Variants in PPP1R26 observed in about 807,000 individuals in gnomAD.
PPP1R26 encodes the protein protein phosphatase 1 regulatory subunit 26.
A neutral mutation model predicts 67.6 loss-of-function variants in PPP1R26; 22 were observed. That is an observed-to-expected ratio of 0.33 (90% CI 0.23 to 0.46). The LOEUF is 0.46. Ranked by LOEUF, PPP1R26 falls within the 20% of genes least tolerant of loss-of-function variation. The pLI, the probability that PPP1R26 is intolerant of heterozygous loss-of-function variation, is 1.00. For missense variants in PPP1R26, 1,602 were observed against 1,651.4 expected (o/e 0.97, Z 0.52); for synonymous variants, 729 against 717.2 (o/e 1.02, Z -0.26).
rs1195676530 is a variant in PPP1R26, at chr9:135,487,534, C to T, written c.3024C>T (p.Thr1008=). ...GCTGCGGGAGCCCGAGCTTCCTGACCCCCAGCCCGGGAGCGGAGAGGGACG... is the reference window on the plus strand; with the variant it reads ...GCTGCGGGAGCCCGAGCTTCCTGACTCCCAGCCCGGGAGCGGAGAGGGACG... ...HMGCGSPSFL[T]PSPGAERDAG... Residue 1008 remains threonine, a synonymous_variant, in exon 4 of 4, where the codon ACC becomes ACT. Transcript: ENST00000356818. The T allele has an allele frequency of 1.3e-6, 2 of 1,592,884 alleles. No individual in the cohort carries two copies. The highest frequency in any genetic ancestry group is 1.7e-6 in the Non-Finnish European group (2 of 1,170,936).
In PPP1R26 at chr9:135,487,696, G is replaced by C; in HGVS notation, c.3186G>C (p.Gly1062=). 1 of 1,451,756 alleles carries C rather than the reference G, an allele frequency of 6.9e-7. No homozygotes were observed. 89.9% of individuals were successfully genotyped at this position (1,451,756 alleles called of 1,614,324 possible). The part of the protein sequence containing the change: ...RGGVGSERDK[G]SEGPARGLPS... Reference sequence around the variant, plus strand: ...GCGTCGGGAGCGAGAGAGACAAGGGGTCCGAGGGCCCCGCCCGGGGCCTGC... The same window carrying C: ...GCGTCGGGAGCGAGAGAGACAAGGGCTCCGAGGGCCCCGCCCGGGGCCTGC... Residue 1062 remains glycine, a synonymous_variant, in exon 4 of 4, where the codon GGG becomes GGC. Transcript: ENST00000356818.
chr9:135,487,612 T>G lies in PPP1R26; in HGVS notation c.3102T>G (p.Ser1034Arg). ...TPPWSDFAHQ[S>R]RLPSPWVLRS... ...CCTGGAGCGACTTCGCCCACCAGAG[T>G]CGGCTGCCCAGCCCGTGGGTGCTGC... is the stretch of plus-strand genomic sequence containing the variant. Residue 1034 changes from serine (S) to arginine (R), a missense_variant, in exon 4 of 4, where the codon AGT becomes AGG. Physicochemically the swap from Ser to Arg is moderately radical, Grantham distance 110. Around this residue, in one of 5 missense-constraint regions of PPP1R26, gnomAD observed 740 missense variants for 696.3 expected, o/e 1.06. Transcript: ENST00000356818. The G allele has an allele frequency of 1.3e-6, 2 of 1,486,730 alleles. No homozygotes were observed. The highest frequency in any genetic ancestry group is 8.9e-7 in the Non-Finnish European group (1 of 1,117,420). The allele number at this position is 1,486,730 out of a possible 1,614,324, so 92.1% of individuals were successfully genotyped here. A position where few individuals can be genotyped will look rare whatever the true frequency, so the allele number is the denominator to read the frequency against.
rs1167860164 is a variant in PPP1R26 at position 135,480,012 on chromosome 9, G to C, written c.-339G>C. On this transcript the variant is annotated 5_prime_UTR_variant, in exon 1 of 4. Coordinates refer to ENST00000356818, the MANE Select transcript of PPP1R26 (RefSeq NM_014811.5). ...GGGGTCCGCGCGGCGGGCGGCGGGG[G>C]ACGGGCGGAGGTGAGCGGGTGCAGG... 5 of 146,232 alleles carry C rather than the reference G, an allele frequency of 3.4e-5. No individual in the cohort carries two copies. The highest frequency in any genetic ancestry group is 1.4e-4 in the Admixed American group (2 of 14,730). The allele number at this position is 146,232 out of a possible 1,614,324, so 9.1% of individuals were successfully genotyped here.
At chr9:135,482,018 T>C (rs1412512) in intron 1 of PPP1R26, among the ~76,000 whole-genome samples, 41,710 of 152,164 alleles carry the variant, frequency 0.27, 6,714 homozygotes, top group East Asian at 0.66. Flanking sequence ...AAGCTGTAAA[T>C]GTGGCTAGTG....
upstream of PPP1R26, chr9:135,479,549 C>CGGGCG (rs1015530386): frequency 2.1e-4 from 31 of 146,552 alleles, no homozygotes; most frequent in South Asian, 8.1e-4. The surrounding 1 kb of genome is among the most constrained non-coding windows in gnomAD (Gnocchi z 5.9). Flanking sequence ...GCGTCCGAAC[C>CGGGCG]GGGCGGGGCG....
At position 135,484,994 on chromosome 9, in the gene PPP1R26, C is replaced by T; in HGVS notation, c.484C>T (p.Pro162Ser). 6.3e-7 allele frequency: 1 copy of T among 1,583,694 alleles called. No homozygotes were observed. Among genetic ancestry groups the T allele is most frequent in the Non-Finnish European group, 8.6e-7 (1 of 1,166,106 alleles). Residue 162 changes from proline to serine, a missense_variant, in exon 4 of 4, where the codon CCT becomes TCT. By Grantham distance (74) the Pro-to-Ser change is moderately conservative (BLOSUM62 -1). Transcript: ENST00000356818. The stretch of plus-strand genomic sequence containing the variant: ...CGGGGCCCAGCCAGGTGCAGCCCAG[C>T]CTTCCAGGGCCGCAGGCGGAGGCAG... ...AGGAQPGAAQ[P>S]SRAAGGGSRC...
At position 135,487,778 on chromosome 9, in the gene PPP1R26, G is replaced by A. The variant is rs761364267; in HGVS notation, c.3268G>A (p.Gly1090Arg). The A allele has an allele frequency of 9.1e-6, 14 of 1,530,082 alleles. No homozygotes were observed. Among genetic ancestry groups the A allele is most frequent in the Non-Finnish European group, 1.2e-5 (14 of 1,142,738 alleles). 94.8% of individuals were successfully genotyped at this position (1,530,082 alleles called of 1,614,324 possible). The part of the protein sequence containing the change: ...PLLSTQLFHF[G>R]KGVSWGGRQA... ...GCTGTCCACCCAGCTCTTCCACTTT[G>A]GAAAGGGTGTCTCCTGGGGGGGCAG... Residue 1090 changes from glycine to arginine, a missense_variant, in exon 4 of 4, where the codon GGA becomes AGA. Physicochemically the swap from Gly to Arg is moderately radical, Grantham distance 125. This residue lies in a region of PPP1R26 where 740 missense variants were observed against 696.3 expected (regional missense o/e 1.06). Coordinates refer to ENST00000356818, the MANE Select transcript of PPP1R26 (RefSeq NM_014811.5).
In PPP1R26 at chr9:135,486,387, G is replaced by A. The variant is rs746626186; in HGVS notation, c.1877G>A (p.Gly626Glu). ...AGCCAGGATGCCGACCACAGCCAGG[G>A]GAGAGCTGAGCCCGGCCATGAGAGG... ...DGSQDADHSQ[G>E]RAEPGHERRD... The change falls in exon 4 of 4, where the codon GGG becomes GAG. Residue 626 changes from glycine (G) to glutamate (E), a missense_variant. Physicochemically the swap from Gly to Glu is moderately conservative, Grantham distance 98. Around this residue, in one of 5 missense-constraint regions of PPP1R26, gnomAD observed 680 missense variants for 726.1 expected, o/e 0.94. Coordinates refer to ENST00000356818, the MANE Select transcript of PPP1R26 (RefSeq NM_014811.5). This position sits in a 1 kb window ranked among gnomAD's most constrained non-coding sequence, Gnocchi z 6.2. The A allele has an allele frequency of 2.6e-5, 42 of 1,613,248 alleles. No homozygotes were observed. The South Asian group carries it at 3.6e-4, about 14-fold the overall frequency.
Position 135,486,992 on chromosome 9 carries a change from A to G in PPP1R26, c.2482A>G (p.Ser828Gly). Reference protein sequence around the residue: ...APSPGSLSDDSSSVDSNDSIE... With the variant: ...APSPGSLSDDGSSVDSNDSIE... ...CAGCCCCGGCTCCCTGTCTGATGACAGCAGTTCAGTGGACAGCAACGACAG... is the reference window on the plus strand; with the variant it reads ...CAGCCCCGGCTCCCTGTCTGATGACGGCAGTTCAGTGGACAGCAACGACAG... Residue 828 changes from serine (S) to glycine (G), a missense_variant, in exon 4 of 4, where the codon AGC (serine) becomes GGC (glycine). Around this residue, in one of 5 missense-constraint regions of PPP1R26, gnomAD observed 740 missense variants for 696.3 expected, o/e 1.06. Coordinates refer to ENST00000356818, the MANE Select transcript of PPP1R26 (RefSeq NM_014811.5). The surrounding 1 kb of genome is among the most constrained non-coding windows in gnomAD (Gnocchi z 6.2). 1 of 1,612,692 alleles carries G rather than the reference A, an allele frequency of 6.2e-7. No individual in the cohort carries two copies. Among genetic ancestry groups the G allele is most frequent in the Non-Finnish European group, 8.5e-7 (1 of 1,179,920 alleles).
At position 135,487,092 on chromosome 9, in the gene PPP1R26, A is replaced by G. The variant is rs1482034753; in HGVS notation, c.2582A>G (p.Glu861Gly). 7 of 1,611,432 alleles carry G rather than the reference A, an allele frequency of 4.3e-6. No individual in the cohort carries two copies. Among genetic ancestry groups the G allele is most frequent in the African/African-American group, 1.3e-5 (1 of 74,894 alleles). ...ESVSSSEVQA[E>G]GPTALGTGGP... Reference sequence around the variant, plus strand: ...GTGAGCAGTTCAGAAGTTCAGGCAGAGGGCCCCACCGCTCTTGGGACAGGG... The same window carrying G: ...GTGAGCAGTTCAGAAGTTCAGGCAGGGGGCCCCACCGCTCTTGGGACAGGG... Residue 861 changes from glutamate to glycine, a missense_variant, in exon 4 of 4, where the codon GAG (glutamate) becomes GGG (glycine). Coordinates refer to ENST00000356818, the MANE Select transcript of PPP1R26 (RefSeq NM_014811.5).
Position 135,487,484 on chromosome 9 carries a change from G to A in PPP1R26, c.2974G>A (p.Gly992Ser), listed in dbSNP as rs1486613404. The change falls in exon 4 of 4, where the codon GGC (glycine) becomes AGC (serine). Residue 992 changes from glycine (G) to serine (S), a missense_variant. Physicochemically the swap from Gly to Ser is moderately conservative, Grantham distance 56 (BLOSUM62 0). This residue lies in a region of PPP1R26 where 740 missense variants were observed against 696.3 expected (regional missense o/e 1.06). Coordinates refer to ENST00000356818, the MANE Select transcript of PPP1R26 (RefSeq NM_014811.5). ...TGCCACAGCGGGCACCGAGGCAGGA[G>A]GCGCCAGAGGAACCTTTCACATGGG... The part of the protein sequence containing the change: ...SCATAGTEAG[G>S]ARGTFHMGCG... 3.1e-6 allele frequency: 5 copies of A among 1,610,556 alleles called. No homozygotes were observed. Among genetic ancestry groups the A allele is most frequent in the Non-Finnish European group, 4.2e-6 (5 of 1,179,670 alleles).
chr9:135,486,476 C>A lies in PPP1R26; in HGVS notation c.1966C>A (p.Pro656Thr), dbSNP rs746861407. 1 of 1,612,782 alleles carries A rather than the reference C, an allele frequency of 6.2e-7. No homozygotes were observed. Among genetic ancestry groups the A allele is most frequent in the East Asian group, 2.2e-5 (1 of 44,870 alleles). ...GGGAGGGGAGGGCACCGCCAGGGGC[C>A]CTGGCGACACTCGCATGTCACAGGG... ...ALGGEGTARG[P>T]GDTRMSQGQG... Residue 656 changes from proline to threonine, a missense_variant, in exon 4 of 4, where the codon CCT becomes ACT. Pro to Thr is a conservative substitution (Grantham distance 38). Coordinates refer to ENST00000356818, the MANE Select transcript of PPP1R26 (RefSeq NM_014811.5). This position sits in a 1 kb window ranked among gnomAD's most constrained non-coding sequence, Gnocchi z 6.2.
At position 135,485,155 on chromosome 9, in the gene PPP1R26, T is replaced by TCCGCCGCCCCG; in HGVS notation, c.645_646insCCGCCGCCCCG (p.Val216ProfsTer5). ...ACCAGGGCTCCGCCTCCCCGGTCAG[T>TCCGCCGCCCCG]GTGAGCAGCGATGACTCCTTCGAGC... On this transcript the variant is annotated frameshift_variant, in exon 4 of 4. Coordinates refer to ENST00000356818, the MANE Select transcript of PPP1R26 (RefSeq NM_014811.5). LOFTEE classifies it high-confidence loss of function. This position sits in a 1 kb window ranked among gnomAD's most constrained non-coding sequence, Gnocchi z 7.2. The TCCGCCGCCCCG allele has an allele frequency of 6.2e-7, 1 of 1,612,802 alleles. No homozygotes were observed. Among genetic ancestry groups the TCCGCCGCCCCG allele is most frequent in the East Asian group, 2.2e-5 (1 of 44,874 alleles).
chr9:135,486,916 C>T lies in PPP1R26; in HGVS notation c.2406C>T (p.Ala802=), dbSNP rs752300491. ...TCCGGGTGAGGAGACCCGCCTCCGC[C>T]TCTGCCTCCGAAGGGAATCCATTCC... ...LAFRVRRPAS[A]SASEGNPFPR... is the part of the protein sequence containing the mutation. The change falls in exon 4 of 4, where the codon GCC becomes GCT. Residue 802 remains alanine (A), a synonymous_variant. Transcript: ENST00000356818. The surrounding 1 kb of genome is among the most constrained non-coding windows in gnomAD (Gnocchi z 6.2). 6 of 1,612,962 alleles carry T rather than the reference C, an allele frequency of 3.7e-6. No individual in the cohort carries two copies. Among genetic ancestry groups the T allele is most frequent in the South Asian group, 1.1e-5 (1 of 91,084 alleles).
Position 135,486,758 on chromosome 9 carries a change from C to T in PPP1R26, c.2248C>T (p.Leu750=), listed in dbSNP as rs1234487511. 1 of 1,578,570 alleles carries T rather than the reference C, an allele frequency of 6.3e-7. No individual in the cohort carries two copies. The highest frequency in any genetic ancestry group is 1.3e-5 in the African/African-American group (1 of 74,376). Residue 750 remains leucine (L), a synonymous_variant, in exon 4 of 4, where the codon CTG becomes TTG. Transcript: ENST00000356818. The surrounding 1 kb of genome is among the most constrained non-coding windows in gnomAD (Gnocchi z 6.2). ...CTGGAAAGACAGGGGCCCGCCAGTGCTGAAGAGCTGCCTCTCCAAGTCCAA... is the reference window on the plus strand; with the variant it reads ...CTGGAAAGACAGGGGCCCGCCAGTGTTGAAGAGCTGCCTCTCCAAGTCCAA... The part of the protein sequence containing the change: ...RDWKDRGPPV[L]KSCLSKSKRD...
chr9:135,480,522 C>G (rs952029950), intron 1 of PPP1R26: 2 of 152,238 alleles, frequency 1.3e-5, no homozygotes, highest in African/African-American at 2.4e-5. Context: ...CCCGCCGGGC[C>G]GAGGACCAGG....
chr9:135,485,282 A>T lies in PPP1R26; in HGVS notation c.772A>T (p.Asn258Tyr), dbSNP rs770253604. 1 of 1,612,990 alleles carries T rather than the reference A, an allele frequency of 6.2e-7. No individual in the cohort carries two copies. The highest frequency in any genetic ancestry group is 8.5e-7 in the Non-Finnish European group (1 of 1,179,978). ...GGAGAAGAAACCAGACACAAATGAAAATTCCGCCAAGTCACTCTTGAAATC... is the reference window on the plus strand; with the variant it reads ...GGAGAAGAAACCAGACACAAATGAATATTCCGCCAAGTCACTCTTGAAATC... The part of the protein sequence containing the change: ...SVEKKPDTNE[N>Y]SAKSLLKSHQ... Residue 258 changes from asparagine (N) to tyrosine (Y), a missense_variant, in exon 4 of 4, where the codon AAT becomes TAT. Transcript: ENST00000356818. The surrounding 1 kb of genome is among the most constrained non-coding windows in gnomAD (Gnocchi z 7.2).
intron 3 of PPP1R26, 62 bp downstream of exon 3, chr9:135,484,144 G>A (rs2590503): frequency 7.1e-6 from 3 of 423,186 alleles, no homozygotes; most frequent in South Asian, 9.1e-5. Context: ...AGGGAAGAGC[G>A]GGGAGGTGAT....
Position 135,482,733 on chromosome 9 carries a change from A to T in PPP1R26, c.-278A>T, listed in dbSNP as rs1172726903. ...AGAGAATGCCTCGGTGTGTAAGTGG[A>T]GTGATGAGGACCTGATCTCTGGGCC... On this transcript the variant is annotated 5_prime_UTR_variant, in exon 2 of 4. Transcript: ENST00000356818. 2.5e-6 allele frequency: 1 copy of T among 398,450 alleles called. No individual in the cohort carries two copies. The highest frequency in any genetic ancestry group is 4.4e-6 in the Non-Finnish European group (1 of 226,064). The allele number at this position is 398,450 out of a possible 1,614,324, so 24.7% of individuals were successfully genotyped here. A position where few individuals can be genotyped will look rare whatever the true frequency, so the allele number is the denominator to read the frequency against.
Sources: gnomAD v4.1 joint callset for allele counts (sites outside exome capture counted in the v4.1 genomes callset) on GRCh38, gnomAD v4.1.1 for gene constraint, gnomAD v4.1.1 regional missense constraint, Gnocchi (gnomAD v3.1) non-coding constraint, MANE v1.5 for transcripts, NCBI Gene and HGNC (gene_info 2026-07-23, HGNC 2026-07-21) for gene names.